ANKFY1: variants seen among roughly 807,000 people sequenced by gnomAD.
The protein encoded by ANKFY1 is ankyrin repeat and FYVE domain-containing protein 1.
ANKFY1 carries 47 observed loss-of-function variants against 128.3 expected under a neutral mutation model. The observed-to-expected ratio is 0.37, with a 90% CI of 0.29 to 0.47. The LOEUF (loss-of-function observed/expected upper bound fraction) is 0.47, where lower values mean the gene tolerates loss of function less well. Among genes scored for constraint, ANKFY1 ranks in the 20% least tolerant of loss-of-function variants. ANKFY1 has a pLI of 1.00. For missense variants in ANKFY1, 1,222 were observed against 1,510.6 expected, an observed-to-expected ratio of 0.81 and a Z score of 3.17; for synonymous variants, 553 against 601.6, an observed-to-expected ratio of 0.92 and a Z score of 1.18.
At chr17:4,236,015 G>A (rs1283591888) in intron 2 of ANKFY1, 125 bp from the exon 3 acceptor site, 20 of 671,360 alleles carry the variant, frequency 3.0e-5, no homozygotes, top group Non-Finnish European at 3.9e-5. Context: ...AAATTACAGC[G>A]AAGAATTATT....
chr17:4,213,112 A>G (rs1385675442), intron 4 of ANKFY1, among the ~76,000 whole-genome samples: 1 of 152,180 alleles, frequency 6.6e-6, no homozygotes, highest in Non-Finnish European at 1.5e-5. Context: ...AGGAGAGGCT[A>G]GGAGCAAGAA....
chr17:4,170,647 T>C (rs748559930), intron 23 of ANKFY1, 68 bp downstream of exon 23: 49 of 1,538,120 alleles, frequency 3.2e-5, no homozygotes, highest in Non-Finnish European at 3.9e-5. Context: ...AGATCACCAA[T>C]ACAATACATG....
chr17:4,200,887 C>T (rs899483198), intron 7 of ANKFY1, among the ~76,000 whole-genome samples: 2 of 152,204 alleles, frequency 1.3e-5, no homozygotes, highest in African/African-American at 2.4e-5. Context: ...TACATATCTA[C>T]AGTCTGAATA....
intron 7 of ANKFY1, among the ~76,000 whole-genome samples, chr17:4,202,621 C>T (rs1368519157): frequency 1.5e-5 from 2 of 134,334 alleles, no homozygotes; most frequent in South Asian, 5.0e-4. Context: ...GGCGTGAACC[C>T]GGGAGGCGGA....
At chr17:4,222,486 C>T (rs2060342792) in intron 3 of ANKFY1, 1 of 880,062 alleles carries the variant, frequency 1.1e-6, no homozygotes, top group Non-Finnish European at 2.0e-6. Flanking sequence ...TGGACCTGCC[C>T]CAGGGCAACA....
chr17:4,210,792 T>TA (rs2143017804), intron 4 of ANKFY1, among the ~76,000 whole-genome samples: 1 of 149,662 alleles, frequency 6.7e-6, no homozygotes, highest in African/African-American at 2.5e-5. Context: ...AGCTGTATTT[T>TA]AAAAGCCCCA....
chr17:4,260,482 G>T (rs976718368), intron 1 of ANKFY1, among the ~76,000 whole-genome samples: 1 of 151,838 alleles, frequency 6.6e-6, no homozygotes, highest in African/African-American at 2.4e-5. Context: ...CCAATGTGGT[G>T]GCATGCACAT....
intron 6 of ANKFY1, among the ~76,000 whole-genome samples, chr17:4,207,530 T>C (rs1302557461): frequency 6.6e-6 from 1 of 152,174 alleles, no homozygotes; most frequent in East Asian, 1.9e-4. Flanking sequence ...GCCGACATCC[T>C]GATTTTGGGC....
At chr17:4,253,740 T>G (rs1967962275) in intron 1 of ANKFY1, among the ~76,000 whole-genome samples, 1 of 152,204 alleles carries the variant, frequency 6.6e-6, no homozygotes, top group African/African-American at 2.4e-5. Context: ...TCTTATTCAC[T>G]TCACTGGTAG....
intron 1 of ANKFY1, among the ~76,000 whole-genome samples, chr17:4,251,507 GTAAAATTTT>G (rs1274892441): frequency 1.4e-5 from 2 of 145,156 alleles, no homozygotes; most frequent in Admixed American, 1.4e-4. Context: ...TCATTGACAG[GTAAAATTTT>G]TAAAAATTAA....
At chr17:4,223,760 G>T (rs954567885) in intron 3 of ANKFY1, 236 of 1,562,000 alleles carry the variant, frequency 1.5e-4, no homozygotes, top group Non-Finnish European at 2.0e-4. Context: ...AGATCCGGGG[G>T]AGAGGCCCAA....
chr17:4,230,955 C>T (rs2060503439), intron 3 of ANKFY1, among the ~76,000 whole-genome samples: 1 of 152,142 alleles, frequency 6.6e-6, no homozygotes, highest in Non-Finnish European at 1.5e-5. Context: ...ATACCATTAA[C>T]TAATTATAGG....
intron 1 of ANKFY1, 200 bp downstream of exon 1, chr17:4,263,732 G>A: frequency 1.3e-6 from 2 of 1,481,864 alleles, no homozygotes; most frequent in South Asian, 1.3e-5. Context: ...GGTCGGCATC[G>A]CGGGAGGGAC....
At chr17:4,262,660 TC>T (rs1968485210) in intron 1 of ANKFY1, among the ~76,000 whole-genome samples, 1 of 151,560 alleles carries the variant, frequency 6.6e-6, no homozygotes, top group South Asian at 2.1e-4. Context: ...GGCAGAAGGA[TC>T]GCTTGAGCCC....
intron 1 of ANKFY1, among the ~76,000 whole-genome samples, chr17:4,258,119 GAGAAA>G (rs1339492227): frequency 6.6e-6 from 1 of 152,208 alleles, no homozygotes; most frequent in Non-Finnish European, 1.5e-5. Flanking sequence ...AGGAAAGGGA[GAGAAA>G]AGAAAAGAAT....
At chr17:4,253,862 G>A (rs1372092367) in intron 1 of ANKFY1, among the ~76,000 whole-genome samples, 1 of 152,090 alleles carries the variant, frequency 6.6e-6, no homozygotes, top group Non-Finnish European at 1.5e-5. Flanking sequence ...ACCATGGCAG[G>A]CAGAAAAATG....
intron 3 of ANKFY1, among the ~76,000 whole-genome samples, chr17:4,233,627 T>C (rs2060551565): frequency 6.6e-6 from 1 of 152,230 alleles, no homozygotes. Context: ...GATAAATGCC[T>C]ACTTAGCCTT....
chr17:4,222,439 T>G (rs929845517), intron 3 of ANKFY1: 134 of 804,440 alleles, frequency 1.7e-4, no homozygotes, highest in South Asian at 5.3e-5. Context: ...CAAGGTTGAA[T>G]GTAAGCTGGG....
intron 1 of ANKFY1, among the ~76,000 whole-genome samples, chr17:4,257,867 A>G (rs1018815823): frequency 2.0e-5 from 3 of 152,216 alleles, no homozygotes; most frequent in African/African-American, 4.8e-5. Context: ...AATAAATACC[A>G]CAGGTTCAAC....
Sources: gnomAD v4.1 joint callset for allele counts (sites outside exome capture counted in the v4.1 genomes callset) on GRCh38, gnomAD v4.1.1 for gene constraint, MANE v1.5 for transcripts, NCBI Gene and HGNC (gene_info 2026-07-23, HGNC 2026-07-21) for gene names.